Variants in SLC75A1 observed in about 807,000 individuals in gnomAD.
SLC75A1 encodes major facilitator superfamily domain containing 10.
At chr4:2,933,960 C>T in the SLC75A1 span, 14 of 1,535,470 alleles carry the variant, frequency 9.1e-6, no homozygotes, top group Admixed American at 1.8e-4. Flanking sequence ...TGGGGTGCGG[C>T]GGGTCGGGTT....
the SLC75A1 span, chr4:2,934,034 T>A: frequency 1.6e-6 from 2 of 1,217,926 alleles, no homozygotes; most frequent in Non-Finnish European, 1.1e-6. Context: ...GCGAGCACCC[T>A]AAAGGGGCTG....
At chr4:2,932,118 AGCCGCATCAC>A in the SLC75A1 span, 1 of 1,610,056 alleles carries the variant, frequency 6.2e-7, no homozygotes. Flanking sequence ...TGAGCAGATC[AGCCGCATCAC>A]GGAACCCCAG....
the SLC75A1 span, chr4:2,931,735 T>C: frequency 6.5e-7 from 1 of 1,548,096 alleles, no homozygotes; most frequent in South Asian, 1.2e-5. Flanking sequence ...CGAGAGTGGC[T>C]GCCAAGGCTT....
chr4:2,932,549 C>T, the SLC75A1 span: 2 of 1,612,678 alleles, frequency 1.2e-6, no homozygotes, highest in Non-Finnish European at 1.7e-6. Flanking sequence ...CAGGGAGACC[C>T]AGGCCCAGAA....
At chr4:2,930,966 G>C in the SLC75A1 span, 7 of 1,612,952 alleles carry the variant, frequency 4.3e-6, no homozygotes, top group Non-Finnish European at 5.9e-6. Context: ...GCGGAGAGAC[G>C]GTGGCGTCAC....
chr4:2,932,188 G>A, the SLC75A1 span: 4 of 1,576,112 alleles, frequency 2.5e-6, no homozygotes, highest in Middle Eastern at 1.7e-4. Flanking sequence ...TGCAGGAGCG[G>A]CTGCTGGCCT....
At chr4:2,934,159 C>T in the SLC75A1 span, 1 of 588,236 alleles carries the variant, frequency 1.7e-6, no homozygotes, top group East Asian at 2.8e-5. Flanking sequence ...AAAATAGCCG[C>T]AAAGGCAACG....
chr4:2,934,066 G>A, the SLC75A1 span: 320 of 901,528 alleles, frequency 3.5e-4, no homozygotes, highest in South Asian at 6.0e-4. Flanking sequence ...TCTGGCCTAC[G>A]GACGCAGGGG....
chr4:2,933,722 G>C, the SLC75A1 span: 3 of 1,606,902 alleles, frequency 1.9e-6, no homozygotes, highest in Non-Finnish European at 2.5e-6. Context: ...GGGGGGCAGG[G>C]GGCACTGTGG....
the SLC75A1 span, chr4:2,931,285 A>G: frequency 6.4e-7 from 1 of 1,551,936 alleles, no homozygotes; most frequent in South Asian, 1.2e-5. Context: ...CTGGTGGGAG[A>G]CATCGAGGAG....
the SLC75A1 span, chr4:2,930,759 TG>T: frequency 1.4e-6 from 2 of 1,435,236 alleles, no homozygotes; most frequent in Admixed American, 4.5e-5. Context: ...TGGCGGGGGG[TG>T]GGGGTCAGGC....
At chr4:2,930,757 G>A in the SLC75A1 span, 1 of 1,472,294 alleles carries the variant, frequency 6.8e-7, no homozygotes, top group African/African-American at 1.4e-5. Flanking sequence ...ACTGGCGGGG[G>A]GTGGGGGTCA....
the SLC75A1 span, chr4:2,930,694 G>C: frequency 1.2e-6 from 1 of 825,434 alleles, no homozygotes; most frequent in South Asian, 1.8e-5. Context: ...GTCTGGAGGA[G>C]CTGCCTGAGC....
the SLC75A1 span, chr4:2,931,779 G>T: frequency 1.3e-6 from 2 of 1,545,014 alleles, no homozygotes; most frequent in South Asian, 1.2e-5. Context: ...TGAAGCAGGG[G>T]CGTTATTTCA....
chr4:2,933,534 G>C, the SLC75A1 span: 9 of 1,608,848 alleles, frequency 5.6e-6, no homozygotes, highest in Non-Finnish European at 6.8e-6. Flanking sequence ...TAGGACCGTA[G>C]AGAGCCCGCC....
the SLC75A1 span, chr4:2,933,055 T>C: frequency 3.9e-6 from 6 of 1,556,972 alleles, no homozygotes; most frequent in East Asian, 1.4e-4. Context: ...ATGGGGCTAC[T>C]GGCTGGGTGG....
chr4:2,934,314 C>A, the SLC75A1 span: 1 of 238,108 alleles, frequency 4.2e-6, no homozygotes. Context: ...CCGATCCCAA[C>A]CCCAACCCCA....
chr4:2,930,634 C>CCTGA, the SLC75A1 span: 10 of 600,038 alleles, frequency 1.7e-5, no homozygotes, highest in African/African-American at 1.9e-4. Context: ...AAACAGAAGC[C>CCTGA]CTGACAGCCT....
chr4:2,933,661 G>T, the SLC75A1 span: 20 of 1,613,612 alleles, frequency 1.2e-5, no homozygotes, highest in African/African-American at 1.7e-4. Context: ...CATAGAGGGG[G>T]TCCTAGGGGA....
Sources: gnomAD v4.1 joint callset for allele counts on GRCh38, gnomAD v4.1.1 for gene constraint, MANE v1.5 for transcripts, NCBI Gene and HGNC (gene_info 2026-07-23, HGNC 2026-07-21) for gene names.